The following GALNT13 variants were observed in gnomAD, a reference collection of about 807,000 sequenced individuals.
The protein encoded by GALNT13 is UDP-GalNAc:polypeptide N-acetylgalactosaminyltransferase 13.
A neutral mutation model predicts 64.2 loss-of-function variants in GALNT13; 28 were observed. The ratio of observed to expected loss-of-function variants is 0.44; its 90% CI spans 0.32 to 0.60. The LOEUF is 0.60. GALNT13 is among the 20% of genes least tolerant of loss of function. The pLI is 0.05. For synonymous variants in GALNT13, 214 were observed against 224.6 expected (o/e 0.95, Z 0.42); for missense variants, 577 against 669.8 (o/e 0.86, Z 1.53).
chr2:154,449,302 A>C (rs1701751205), intron 12 of GALNT13, among the ~76,000 whole-genome samples: 1 of 151,874 alleles, frequency 6.6e-6, no homozygotes, highest in African/African-American at 2.4e-5. Context: ...ACAACAGTGC[A>C]GTCCACGATG....
the GALNT13 span, among the ~76,000 whole-genome samples, chr2:153,127,494 G>A: frequency 4.8e-3 from 723 of 152,206 alleles, 13 homozygotes; most frequent in Admixed American, 0.038. Flanking sequence ...CCCACCACAT[G>A]CAAACATTCA....
At chr2:154,286,225 T>TAAG (rs1692258252) in intron 8 of GALNT13, among the ~76,000 whole-genome samples, 1 of 152,216 alleles carries the variant, frequency 6.6e-6, no homozygotes, top group Non-Finnish European at 1.5e-5. Flanking sequence ...ATGTTGAATA[T>TAAG]AAGTGGCAAG....
chr2:154,395,416 A>G (rs932038319), intron 9 of GALNT13, among the ~76,000 whole-genome samples: 1 of 152,106 alleles, frequency 6.6e-6, no homozygotes, highest in Admixed American at 6.6e-5. Flanking sequence ...GTTTCTTTAC[A>G]CTTAGATATT....
the GALNT13 span, among the ~76,000 whole-genome samples, chr2:153,344,859 C>T: frequency 6.6e-6 from 1 of 152,112 alleles, no homozygotes; most frequent in South Asian, 2.1e-4. Context: ...AAGTTATACA[C>T]ATTAAATGTA....
the GALNT13 span, among the ~76,000 whole-genome samples, chr2:153,479,208 T>G: frequency 6.6e-6 from 1 of 152,164 alleles, no homozygotes; most frequent in African/African-American, 2.4e-5. Flanking sequence ...TGCCAGATGG[T>G]GCCGGCTGAG....
intron 4 of GALNT13, among the ~76,000 whole-genome samples, chr2:154,168,349 A>G (rs917405359): frequency 1.3e-5 from 2 of 152,138 alleles, no homozygotes; most frequent in Non-Finnish European, 2.9e-5. Context: ...GTCTTTATCT[A>G]TTAAAGCCCT....
intron 4 of GALNT13, among the ~76,000 whole-genome samples, chr2:154,240,171 T>C (rs1341688685): frequency 6.6e-6 from 1 of 152,216 alleles, no homozygotes; most frequent in Non-Finnish European, 1.5e-5. Context: ...AATGCCTGAA[T>C]GTTGACGAGT....
chr2:153,111,370 T>A, the GALNT13 span, among the ~76,000 whole-genome samples: 2 of 152,078 alleles, frequency 1.3e-5, no homozygotes, highest in African/African-American at 4.8e-5. Flanking sequence ...TATTCTAATC[T>A]CTTGATTGGA....
At chr2:153,913,589 C>T (rs1689130725) in intron 2 of GALNT13, among the ~76,000 whole-genome samples, 1 of 152,180 alleles carries the variant, frequency 6.6e-6, no homozygotes, top group African/African-American at 2.4e-5. Flanking sequence ...TTCTAAGTTA[C>T]TCTTTCTGCC....
At chr2:153,535,901 A>T in the GALNT13 span, among the ~76,000 whole-genome samples, 1 of 152,282 alleles carries the variant, frequency 6.6e-6, no homozygotes, top group South Asian at 2.1e-4. Context: ...TAAGTCTCAC[A>T]GAAGGGAAGA....
At chr2:154,150,672 C>G (rs1025722812) in intron 4 of GALNT13, among the ~76,000 whole-genome samples, 1 of 152,118 alleles carries the variant, frequency 6.6e-6, no homozygotes, top group African/African-American at 2.4e-5. Context: ...GTGTTTGTGT[C>G]GAGGAATTTA....
At chr2:153,088,400 G>T in the GALNT13 span, among the ~76,000 whole-genome samples, 1 of 151,256 alleles carries the variant, frequency 6.6e-6, no homozygotes, top group East Asian at 1.9e-4. Flanking sequence ...CTATCTTGGA[G>T]AATGTTCCAT....
the GALNT13 span, among the ~76,000 whole-genome samples, chr2:153,796,607 G>T: frequency 6.6e-6 from 1 of 152,018 alleles, no homozygotes; most frequent in African/African-American, 2.4e-5. Flanking sequence ...AGCATTCTTG[G>T]CAGTATAGAA....
At chr2:154,077,955 A>G (rs949860127) in intron 3 of GALNT13, among the ~76,000 whole-genome samples, 4 of 151,512 alleles carry the variant, frequency 2.6e-5, no homozygotes, top group African/African-American at 9.7e-5. Flanking sequence ...AATGGTCACA[A>G]TTTTTAAAAA....
chr2:154,021,930 A>G lies in GALNT13; in HGVS notation c.142+77291A>G, dbSNP rs537827295. Among the ~76,000 whole-genome samples, 3 of 152,104 alleles carry G rather than the reference A, an allele frequency of 2.0e-5. 1 individual carries two copies. Among genetic ancestry groups the G allele is most frequent in the African/African-American group, 4.8e-5 (2 of 41,496 alleles). On this transcript the variant is annotated intron_variant, in intron 3 of 12. Transcript: ENST00000392825. ...GCATGAAGGGTTGTTGAATTTTGTC[A>G]AAGGCCTTTTCTGCATCTATTGAGA...
chr2:154,014,520 G>A (rs1008424839), intron 3 of GALNT13, among the ~76,000 whole-genome samples: 1 of 150,436 alleles, frequency 6.6e-6, no homozygotes. Flanking sequence ...TGCTTGAAGT[G>A]TGCTAGTATT....
At chr2:153,185,106 T>G in the GALNT13 span, among the ~76,000 whole-genome samples, 1 of 152,196 alleles carries the variant, frequency 6.6e-6, no homozygotes, top group Non-Finnish European at 1.5e-5. Context: ...TTTTTTCGAT[T>G]GGTAGGCTGT....
At chr2:154,161,631 T>C (rs144808980) in intron 4 of GALNT13, among the ~76,000 whole-genome samples, 2,309 of 152,308 alleles carry the variant, frequency 0.015, 61 homozygotes, top group Admixed American at 0.07. Flanking sequence ...AATCAGACTT[T>C]TAAATGTTTA....
the GALNT13 span, among the ~76,000 whole-genome samples, chr2:153,259,628 A>G: frequency 1.3e-5 from 2 of 152,224 alleles, no homozygotes; most frequent in African/African-American, 4.8e-5. Context: ...TATTGGTTTT[A>G]TAAAATGCAG....
Sources: allele counts gnomAD v4.1 joint callset (sites outside exome capture counted in the v4.1 genomes callset), GRCh38; gene constraint gnomAD v4.1.1; transcripts MANE v1.5; gene names NCBI Gene and HGNC (gene_info 2026-07-23, HGNC 2026-07-21).